CLDN14: variants seen among roughly 807,000 people sequenced by gnomAD.
CLDN14 encodes the protein claudin-14.
In CLDN14, 2 loss-of-function variants were observed where a neutral mutation model predicts 2.1. That is an observed-to-expected ratio of 0.96 (90% CI 0.39 to 3.01). CLDN14 has a LOEUF of 3.01. Among genes scored for constraint, CLDN14 ranks in the 30% most tolerant of loss-of-function variants. The pLI, the probability that CLDN14 is intolerant of heterozygous loss-of-function variation, is 0.09. For synonymous variants in CLDN14, 136 were observed against 154.4 expected, an observed-to-expected ratio of 0.88 and a Z score of 0.88; for missense variants, 298 against 328.0, an observed-to-expected ratio of 0.91 and a Z score of 0.71.
At chr21:36,466,787 G>A (rs764709203) in intron 1 of CLDN14, among the ~76,000 whole-genome samples, 14 of 152,096 alleles carry the variant, frequency 9.2e-5, no homozygotes, top group African/African-American at 3.1e-4. Context: ...CCAAAGTCTC[G>A]TTTGAGACAA....
intron 1 of CLDN14, among the ~76,000 whole-genome samples, chr21:36,479,271 G>C (rs759768364): frequency 7.2e-5 from 11 of 152,120 alleles, no homozygotes; most frequent in Non-Finnish European, 1.5e-4. Context: ...GGCTCATTAG[G>C]AGCCTGGCTG....
chr21:36,477,759 C>T (rs1221254614), intron 1 of CLDN14, among the ~76,000 whole-genome samples: 1 of 152,218 alleles, frequency 6.6e-6, no homozygotes, highest in Non-Finnish European at 1.5e-5. Flanking sequence ...GTGGTAGCAG[C>T]TTAGGCCCAG....
At chr21:36,525,191 G>A (rs904000983) in intron 1 of CLDN14, among the ~76,000 whole-genome samples, 2 of 152,042 alleles carry the variant, frequency 1.3e-5, no homozygotes, top group Non-Finnish European at 2.9e-5. Context: ...AGGATAAGAC[G>A]GACACCCTGA....
At chr21:36,558,055 G>T (rs1056224781) in intron 1 of CLDN14, among the ~76,000 whole-genome samples, 1 of 152,078 alleles carries the variant, frequency 6.6e-6, no homozygotes, top group South Asian at 2.1e-4. Flanking sequence ...TGGTGTACCG[G>T]TATTACTGTC....
In CLDN14 at chr21:36,521,028, G is replaced by A. The variant is rs374576721; in HGVS notation, c.-219-10528C>T. Among the ~76,000 whole-genome samples the A allele has an allele frequency of 4.7e-4, 72 of 152,208 alleles. 1 individual carries two copies. The South Asian group carries it at 0.015, about 31-fold the overall frequency. On this transcript the variant is annotated intron_variant, in intron 1 of 2. Transcript: ENST00000342108. ...GCAGAGCAGACAGCCCAAAATGGCAGTGGCTTGGGGAAAAGCCAGACGTTC... is the reference window on the plus strand; with the variant it reads ...GCAGAGCAGACAGCCCAAAATGGCAATGGCTTGGGGAAAAGCCAGACGTTC...
chr21:36,498,239 G>A lies in CLDN14; in HGVS notation c.-82+12124C>T, dbSNP rs972550271. Among the ~76,000 whole-genome samples, 29 of 152,120 alleles carry A rather than the reference G, an allele frequency of 1.9e-4. No homozygotes were observed. The highest frequency in any genetic ancestry group is 6.8e-4 in the African/African-American group (28 of 41,416). ...TGGTGTCGAACTCCTGACCTCAGGC[G>A]GTCCACCTGCCTTGGCCTCCCAAAG... On this transcript the variant is annotated intron_variant, in intron 2 of 2. Transcript: ENST00000342108. The surrounding 1 kb of genome is among the most constrained non-coding windows in gnomAD (Gnocchi z 4.9).
rs1188963708 is a variant in CLDN14, at chr21:36,544,243, C to T, written c.-220+32168G>A. On this transcript the variant is annotated intron_variant, in intron 1 of 2. Transcript: ENST00000342108. The surrounding 1 kb of genome is among the most constrained non-coding windows in gnomAD (Gnocchi z 4.1). ...CTGGGCCCCCTCTGCTGCCATCCAT[C>T]CCTCTCCCTGAAAAAGGTGGTGGGA... Among the ~76,000 whole-genome samples, 1 of 152,244 alleles carries T rather than the reference C, an allele frequency of 6.6e-6. No individual in the cohort carries two copies. Among genetic ancestry groups the T allele is most frequent in the Non-Finnish European group, 1.5e-5 (1 of 68,050 alleles).
At chr21:36,488,238 C>CTTCT (rs998806261) in intron 2 of CLDN14, among the ~76,000 whole-genome samples, 2 of 144,756 alleles carry the variant, frequency 1.4e-5, no homozygotes, top group African/African-American at 5.2e-5. Context: ...TCCTTCCTTC[C>CTTCT]TTCCTTCCTT....
rs2087334542 is a variant in CLDN14 at position 36,526,843 on chromosome 21, T to C, written c.-219-16343A>G. On this transcript the variant is annotated intron_variant, in intron 1 of 2. Coordinates refer to the CLDN14 transcript ENST00000342108. Reference sequence around the variant, plus strand: ...CTCATTACTGAAGGCAGCTGCTAGGTATGGTTGTGAGAAATCTCATTAGCA... The same window carrying C: ...CTCATTACTGAAGGCAGCTGCTAGGCATGGTTGTGAGAAATCTCATTAGCA... 2.6e-5 allele frequency among the ~76,000 whole-genome samples: 4 copies of C among 152,154 alleles called. No individual in the cohort carries two copies. In the South Asian group the frequency reaches 8.3e-4, roughly 32 times the overall value.
chr21:36,474,356 T>C (rs1474141482), intron 1 of CLDN14, among the ~76,000 whole-genome samples: 1 of 152,164 alleles, frequency 6.6e-6, no homozygotes, highest in Admixed American at 6.5e-5. Context: ...GCAAAGGACA[T>C]TTATCACTCT....
chr21:36,569,971 C>T (rs953323492), intron 1 of CLDN14, among the ~76,000 whole-genome samples: 24 of 152,232 alleles, frequency 1.6e-4, no homozygotes, highest in African/African-American at 5.1e-4. Context: ...GACAGAGCCT[C>T]AGGAGGTCCT....
intron 1 of CLDN14, among the ~76,000 whole-genome samples, chr21:36,569,666 G>A (rs1306654791): frequency 6.6e-6 from 1 of 152,140 alleles, no homozygotes; most frequent in African/African-American, 2.4e-5. Flanking sequence ...CTAATAACCC[G>A]CAGAACCAAG....
chr21:36,526,029 CAG>C (rs2087326179), intron 1 of CLDN14, among the ~76,000 whole-genome samples: 1 of 152,134 alleles, frequency 6.6e-6, no homozygotes, highest in Admixed American at 6.5e-5. Flanking sequence ...TTCTCCAGCT[CAG>C]AGATATCCCT....
intron 1 of CLDN14, among the ~76,000 whole-genome samples, chr21:36,512,997 G>A (rs531265502): frequency 1.2e-4 from 19 of 152,300 alleles, no homozygotes; most frequent in African/African-American, 3.4e-4. Flanking sequence ...AAATGGTGGC[G>A]TAGTCTGCCC....
At chr21:36,547,001 T>C (rs2087530340) in intron 1 of CLDN14, among the ~76,000 whole-genome samples, 2 of 152,212 alleles carry the variant, frequency 1.3e-5, no homozygotes, top group South Asian at 4.1e-4. Flanking sequence ...TGCTGCTCAA[T>C]GCCCTACAAC....
At chr21:36,493,871 A>G (rs1210137138) in intron 2 of CLDN14, among the ~76,000 whole-genome samples, 1 of 151,896 alleles carries the variant, frequency 6.6e-6, no homozygotes, top group African/African-American at 2.4e-5. Flanking sequence ...TGTGGAGGGG[A>G]CCCAGGATCC....
chr21:36,546,369 A>G (rs913824315), intron 1 of CLDN14, among the ~76,000 whole-genome samples: 3 of 152,144 alleles, frequency 2.0e-5, no homozygotes, highest in Non-Finnish European at 2.9e-5. Flanking sequence ...TTGAGAGTTC[A>G]TGGCTAGAAA....
intron 1 of CLDN14, among the ~76,000 whole-genome samples, chr21:36,561,147 C>T (rs1410358805): frequency 1.3e-5 from 2 of 152,078 alleles, no homozygotes; most frequent in Non-Finnish European, 2.9e-5. Flanking sequence ...ATCCTCAGAC[C>T]CACTCTGAGT....
chr21:36,519,952 T>C (rs2087257942), intron 1 of CLDN14, among the ~76,000 whole-genome samples: 1 of 152,168 alleles, frequency 6.6e-6, no homozygotes, highest in African/African-American at 2.4e-5. Context: ...TTTTGTTTTC[T>C]AGGGCCCTGC....
Sources: gnomAD v4.1 joint callset for allele counts (sites outside exome capture counted in the v4.1 genomes callset) on GRCh38, gnomAD v4.1.1 for gene constraint, Gnocchi (gnomAD v3.1) non-coding constraint, MANE v1.5 for transcripts, NCBI Gene and HGNC (gene_info 2026-07-23, HGNC 2026-07-21) for gene names.